The following VMP1 variants were observed in gnomAD, a reference collection of about 807,000 sequenced individuals.
VMP1 encodes the protein ectopic P-granules autophagy protein 3 homolog.
VMP1 carries 11 observed loss-of-function variants against 56.0 expected under a neutral mutation model. The ratio of observed to expected loss-of-function variants is 0.20; its 90% CI spans 0.12 to 0.32. The LOEUF (loss-of-function observed/expected upper bound fraction) is 0.32, where lower values mean the gene tolerates loss of function less well. VMP1 is among the 10% of genes least tolerant of loss of function. VMP1 has a pLI of 1.00. For synonymous variants in VMP1, 149 were observed against 165.0 expected (o/e 0.90, Z 0.74); for missense variants, 296 against 490.3 (o/e 0.60, Z 3.74).
intron 10 of VMP1, among the ~76,000 whole-genome samples, chr17:59,822,516 A>G (rs2038491446): frequency 6.6e-6 from 1 of 151,468 alleles, no homozygotes; most frequent in South Asian, 2.1e-4. Context: ...TTTAGTAGAG[A>G]TGGGGTTTCA....
intron 10 of VMP1, among the ~76,000 whole-genome samples, chr17:59,833,369 G>A (rs899517368): frequency 2.0e-5 from 3 of 152,118 alleles, no homozygotes; most frequent in African/African-American, 4.8e-5. Flanking sequence ...TGTAGAGGTA[G>A]AGAAATGAAA....
intron 5 of VMP1, among the ~76,000 whole-genome samples, chr17:59,743,334 C>T (rs1452052213): frequency 6.6e-6 from 1 of 152,106 alleles, no homozygotes; most frequent in East Asian, 1.9e-4. Context: ...TTCCAGAAGA[C>T]ACTATAGTTG....
chr17:59,756,307 C>T (rs939683111), intron 5 of VMP1, among the ~76,000 whole-genome samples: 31 of 152,174 alleles, frequency 2.0e-4, no homozygotes, highest in African/African-American at 6.8e-4. Context: ...ATACAAACAA[C>T]CATTTTTCAT....
intron 7 of VMP1, among the ~76,000 whole-genome samples, chr17:59,788,501 GA>G (rs2037090668): frequency 4.8e-5 from 7 of 146,388 alleles, no homozygotes; most frequent in Admixed American, 4.1e-4. Context: ...AAAAAAAGAA[GA>G]AAAAAGAAAA....
chr17:59,796,503 G>A (rs966019036), intron 7 of VMP1, among the ~76,000 whole-genome samples: 1 of 152,136 alleles, frequency 6.6e-6, no homozygotes, highest in Admixed American at 6.5e-5. Flanking sequence ...TCAGTTAAAT[G>A]TAATTGCTTT....
intron 4 of VMP1, among the ~76,000 whole-genome samples, chr17:59,738,607 A>AG (rs1370609084): frequency 6.6e-6 from 1 of 152,222 alleles, no homozygotes; most frequent in Non-Finnish European, 1.5e-5. Flanking sequence ...TTTAGAAACA[A>AG]GGCTTTTATT....
intron 5 of VMP1, among the ~76,000 whole-genome samples, chr17:59,744,845 G>A (rs1413566057): frequency 2.0e-5 from 3 of 151,786 alleles, no homozygotes; most frequent in Non-Finnish European, 4.4e-5. Flanking sequence ...AGGATCCCCT[G>A]GGTTTAACAG....
intron 1 of VMP1, among the ~76,000 whole-genome samples, chr17:59,724,748 G>A (rs1275100289): frequency 6.6e-6 from 1 of 152,050 alleles, no homozygotes; most frequent in Non-Finnish European, 1.5e-5. Context: ...GGCTGATCAC[G>A]AGGTCAGGAG....
intron 10 of VMP1, among the ~76,000 whole-genome samples, chr17:59,836,427 G>C (rs1489866115): frequency 6.6e-6 from 1 of 151,582 alleles, no homozygotes; most frequent in Non-Finnish European, 1.5e-5. Flanking sequence ...TGAACTCCTG[G>C]GCTCAAGCCA....
At chr17:59,790,567 A>G (rs1397673102) in intron 7 of VMP1, among the ~76,000 whole-genome samples, 1 of 152,168 alleles carries the variant, frequency 6.6e-6, no homozygotes, top group Non-Finnish European at 1.5e-5. Flanking sequence ...AGGCAGGTGG[A>G]TCACTTGAGG....
At chr17:59,736,690 G>A (rs1004775603) in intron 3 of VMP1, among the ~76,000 whole-genome samples, 3 of 147,632 alleles carry the variant, frequency 2.0e-5, no homozygotes, top group African/African-American at 7.5e-5. Flanking sequence ...GTTGCAGTGA[G>A]CCAAGATCAT....
At position 59,754,241 on chromosome 17, in the gene VMP1, A is replaced by G. The variant is rs148052227; in HGVS notation, c.415-10730A>G. The stretch of plus-strand genomic sequence containing the variant: ...TCTGACATCTTAATTGCTTTTTCAT[A>G]TTTATGACCTCCTCTGTATATGGCA... On this transcript the variant is annotated intron_variant, in intron 5 of 11. Coordinates refer to ENST00000262291, the MANE Select transcript of VMP1 (RefSeq NM_030938.5). Among the ~76,000 whole-genome samples, 708 of 152,270 alleles carry G rather than the reference A, an allele frequency of 4.6e-3. 9 individuals are homozygous for G. Among genetic ancestry groups the G allele is most frequent in the African/African-American group, 0.016 (680 of 41,570 alleles).
chr17:59,774,490 A>G (rs2036548498), intron 7 of VMP1, among the ~76,000 whole-genome samples: 1 of 152,202 alleles, frequency 6.6e-6, no homozygotes, highest in Admixed American at 6.5e-5. Context: ...CTCCCTTGAA[A>G]GCAGCTTCAT....
intron 5 of VMP1, among the ~76,000 whole-genome samples, chr17:59,748,156 G>A (rs528533628): frequency 4.7e-4 from 67 of 143,252 alleles, no homozygotes; most frequent in Middle Eastern, 3.9e-3. Flanking sequence ...AGATCATGCC[G>A]CTGCACTCCA....
intron 7 of VMP1, among the ~76,000 whole-genome samples, chr17:59,790,167 T>C (rs2037175078): frequency 1.3e-5 from 2 of 152,288 alleles, no homozygotes; most frequent in Middle Eastern, 3.4e-3. Context: ...TCTTGCTTAT[T>C]ATTTAAGGAG....
At position 59,732,110 on chromosome 17, in the gene VMP1, C is replaced by CT. The variant is rs559800092; in HGVS notation, c.76+597dup. 8.6e-5 allele frequency among the ~76,000 whole-genome samples: 13 copies of CT among 151,106 alleles called. No individual in the cohort carries two copies. In the East Asian group the frequency reaches 1.7e-3, roughly 20 times the overall value. ...AAGTTTTACTTTTGTTGTAATCATACTTTTTTTTTAGCTTTTGAATTGTTT... is the reference window on the plus strand; with the variant it reads ...AAGTTTTACTTTTGTTGTAATCATACTTTTTTTTTTAGCTTTTGAATTGTTT... On this transcript the variant is annotated intron_variant, in intron 2 of 11. Transcript: ENST00000262291.
intron 1 of VMP1, among the ~76,000 whole-genome samples, chr17:59,713,439 C>A (rs2034012035): frequency 6.6e-6 from 1 of 152,004 alleles, no homozygotes; most frequent in African/African-American, 2.4e-5. Flanking sequence ...CACGCACTTA[C>A]ATATATAAAT....
chr17:59,744,482 AAG>A, intron 5 of VMP1, among the ~76,000 whole-genome samples: 1 of 148,812 alleles, frequency 6.7e-6, no homozygotes, highest in Non-Finnish European at 1.5e-5. Context: ...AAAAAAAAAA[AAG>A]TCAATATTTA....
intron 1 of VMP1, among the ~76,000 whole-genome samples, chr17:59,716,651 A>T (rs1489010064): frequency 6.6e-6 from 1 of 152,250 alleles, no homozygotes; most frequent in Admixed American, 6.5e-5. Context: ...TGCTAAAAGC[A>T]AGGATAAAAA....
Sources: gnomAD v4.1 joint callset for allele counts (sites outside exome capture counted in the v4.1 genomes callset) on GRCh38, gnomAD v4.1.1 for gene constraint, MANE v1.5 for transcripts, NCBI Gene and HGNC (gene_info 2026-07-23, HGNC 2026-07-21) for gene names.